Variants in HS3ST5 observed in about 807,000 individuals in gnomAD.
HS3ST5 encodes the protein heparan sulfate-glucosamine 3-sulfotransferase 5, also known as heparan sulfate glucosamine 3-O-sulfotransferase 5.
HS3ST5 carries 10 observed loss-of-function variants against 25.4 expected under a neutral mutation model. That is an observed-to-expected ratio of 0.39 (90% confidence interval 0.24 to 0.67). HS3ST5 has a LOEUF of 0.67. HS3ST5 is among the 30% of genes least tolerant of loss of function. The pLI is 0.44. For synonymous variants in HS3ST5, 170 were observed against 162.4 expected, an observed-to-expected ratio of 1.05 and a Z score of -0.36; for missense variants, 324 against 420.7, an observed-to-expected ratio of 0.77 and a Z score of 2.01.
At chr6:114,119,843 C>A (rs906854857) in intron 3 of HS3ST5, among the ~76,000 whole-genome samples, 1 of 152,050 alleles carries the variant, frequency 6.6e-6, no homozygotes, top group Non-Finnish European at 1.5e-5. Flanking sequence ...ATCGGTCCTG[C>A]CCTCAGGAAA....
At chr6:114,178,381 G>A (rs1173002973) in intron 2 of HS3ST5, among the ~76,000 whole-genome samples, 1 of 152,074 alleles carries the variant, frequency 6.6e-6, no homozygotes, top group Admixed American at 6.6e-5. Context: ...CATAGTAAAT[G>A]GCCACAAAAC....
At position 114,289,710 on chromosome 6, in the gene HS3ST5, C is replaced by A. The variant is rs117785735; in HGVS notation, c.-339+52485G>T. Among the ~76,000 whole-genome samples, 463 of 152,238 alleles carry A rather than the reference C, an allele frequency of 3.0e-3. 1 individual carries two copies. Among genetic ancestry groups the A allele is most frequent in the Non-Finnish European group, 5.2e-3 (356 of 68,014 alleles). On this transcript the variant is annotated intron_variant, in intron 1 of 4. Coordinates refer to ENST00000312719, the MANE Select transcript of HS3ST5 (RefSeq NM_153612.4). Reference sequence around the variant, plus strand: ...CTGTAAAGAAAAGTAATTTCCAGAACCCACTTGCTCACTAATGTGAGCTCT... The same window carrying A: ...CTGTAAAGAAAAGTAATTTCCAGAAACCACTTGCTCACTAATGTGAGCTCT...
chr6:114,057,089 T>C lies in HS3ST5; in HGVS notation c.*168A>G, dbSNP rs1772811809. The C allele has an allele frequency of 1.9e-6, 1 of 532,080 alleles. No homozygotes were observed. The highest frequency in any genetic ancestry group is 1.9e-5 in the African/African-American group (1 of 52,874). The allele number at this position is 532,080 out of a possible 1,614,324, so 33.0% of individuals were successfully genotyped here. On this transcript the variant is annotated 3_prime_UTR_variant, in exon 5 of 5. Coordinates refer to ENST00000312719, the MANE Select transcript of HS3ST5 (RefSeq NM_153612.4). ...CAGCAATTTTTTTTTTTTCGTAAAT[T>C]TTCAGTAGAAAAAGAACTGATCTTA...
At chr6:114,124,558 C>G (rs943493176) in intron 3 of HS3ST5, among the ~76,000 whole-genome samples, 4 of 150,814 alleles carry the variant, frequency 2.7e-5, no homozygotes, top group Non-Finnish European at 5.9e-5. Flanking sequence ...TTGGAAATAT[C>G]CTAGTTTATA....
At chr6:114,200,778 T>A (rs551189895) in intron 2 of HS3ST5, among the ~76,000 whole-genome samples, 1 of 152,290 alleles carries the variant, frequency 6.6e-6, no homozygotes, top group East Asian at 1.9e-4. Context: ...TTAAGAAAAT[T>A]TGACTGAAAA....
At chr6:114,064,988 G>A (rs1773366210) in intron 3 of HS3ST5, among the ~76,000 whole-genome samples, 2 of 152,000 alleles carry the variant, frequency 1.3e-5, no homozygotes, top group Non-Finnish European at 2.9e-5. Context: ...AAGAGAGAAA[G>A]GATTAAGAGC....
chr6:114,121,616 A>T (rs1182679501), intron 3 of HS3ST5, among the ~76,000 whole-genome samples: 2 of 151,998 alleles, frequency 1.3e-5, no homozygotes, highest in Non-Finnish European at 2.9e-5. Flanking sequence ...TTATTACCTT[A>T]TTTTTTCACT....
chr6:114,325,074 T>C (rs949627892), intron 1 of HS3ST5, among the ~76,000 whole-genome samples: 26 of 152,200 alleles, frequency 1.7e-4, no homozygotes, highest in African/African-American at 6.3e-4. Flanking sequence ...AAAGTGAACA[T>C]TGACTGCATC....
At chr6:114,185,261 A>C (rs1174215995) in intron 2 of HS3ST5, among the ~76,000 whole-genome samples, 1 of 152,176 alleles carries the variant, frequency 6.6e-6, no homozygotes, top group Non-Finnish European at 1.5e-5. Context: ...AAATGCGTTG[A>C]GCTTTGGGGA....
chr6:114,175,160 G>T (rs1779668374), intron 2 of HS3ST5, among the ~76,000 whole-genome samples: 1 of 152,122 alleles, frequency 6.6e-6, no homozygotes, highest in African/African-American at 2.4e-5. Context: ...TATAACACCT[G>T]AAGTAGCTAA....
chr6:114,197,177 C>T (rs1780802310), intron 2 of HS3ST5, among the ~76,000 whole-genome samples: 1 of 149,600 alleles, frequency 6.7e-6, no homozygotes, highest in South Asian at 2.1e-4. Flanking sequence ...TTTGAATAGA[C>T]AAATAAATGA....
chr6:114,158,471 G>C (rs1778800724), intron 3 of HS3ST5, among the ~76,000 whole-genome samples: 1 of 152,108 alleles, frequency 6.6e-6, no homozygotes, highest in Non-Finnish European at 1.5e-5. Context: ...TAACATGTGT[G>C]AAGTGCTTCA....
chr6:114,275,182 T>G (rs1415174292), intron 1 of HS3ST5, among the ~76,000 whole-genome samples: 1 of 151,908 alleles, frequency 6.6e-6, no homozygotes, highest in Non-Finnish European at 1.5e-5. Flanking sequence ...TGTTCCAGAG[T>G]TTAAGTACCT....
At chr6:114,220,153 C>T (rs1403420503) in intron 2 of HS3ST5, among the ~76,000 whole-genome samples, 1 of 152,028 alleles carries the variant, frequency 6.6e-6, no homozygotes, top group Non-Finnish European at 1.5e-5. Context: ...GAGAAAGCCT[C>T]ATTTTGCCAT....
rs140386644 is a variant in HS3ST5 at position 114,057,493 on chromosome 6, C to T, written c.805G>A (p.Val269Met). Reference sequence around the variant, plus strand: ...GGAGGCAGATTTAGGAACTTCTCCACGAGCTGAAGTTCTGGCAGAGGTTCC... The same window carrying T: ...GGAGGCAGATTTAGGAACTTCTCCATGAGCTGAAGTTCTGGCAGAGGTTCC... ...ITEPLPELQL[V>M]EKFLNLPPRI... Residue 269 changes from valine to methionine, a missense_variant, in exon 5 of 5, where the codon GTG becomes ATG. By Grantham distance (21) the Val-to-Met change is conservative. Coordinates refer to ENST00000312719, the MANE Select transcript of HS3ST5 (RefSeq NM_153612.4). 9.9e-6 allele frequency: 16 copies of T among 1,614,112 alleles called. No homozygotes were observed. Among genetic ancestry groups the T allele is most frequent in the Middle Eastern group, 3.3e-4 (2 of 6,062 alleles).
intron 3 of HS3ST5, among the ~76,000 whole-genome samples, chr6:114,076,252 CT>C (rs1046037484): frequency 6.6e-6 from 1 of 152,182 alleles, no homozygotes; most frequent in African/African-American, 2.4e-5. Context: ...ACTTAACCCC[CT>C]GATCTTCTGT....
intron 3 of HS3ST5, among the ~76,000 whole-genome samples, chr6:114,163,921 C>A (rs532021482): frequency 3.9e-5 from 6 of 152,168 alleles, no homozygotes; most frequent in Admixed American, 2.6e-4. Context: ...TACTTATGAA[C>A]CTATCTTAGC....
chr6:114,224,701 C>T (rs980166138), intron 2 of HS3ST5, among the ~76,000 whole-genome samples: 5 of 149,902 alleles, frequency 3.3e-5, no homozygotes, highest in African/African-American at 9.8e-5. Context: ...TATATATATA[C>T]ACACACACAC....
intron 2 of HS3ST5, among the ~76,000 whole-genome samples, chr6:114,169,500 CAG>C (rs1250175827): frequency 3.3e-5 from 5 of 152,006 alleles, no homozygotes; most frequent in South Asian, 2.1e-4. Context: ...CTAGAGAAAT[CAG>C]AGAGAGAGTA....
Sources: allele counts gnomAD v4.1 joint callset (sites outside exome capture counted in the v4.1 genomes callset), GRCh38; gene constraint gnomAD v4.1.1; transcripts MANE v1.5; gene names NCBI Gene and HGNC (gene_info 2026-07-23, HGNC 2026-07-21).